The following TBC1D20 variants were observed in gnomAD, a reference collection of about 807,000 sequenced individuals.
TBC1D20 encodes TBC1 domain family member 20, also known as chromosome 20 open reading frame 140.
A neutral mutation model predicts 41.6 loss-of-function variants in TBC1D20; 12 were observed. The ratio of observed to expected loss-of-function variants is 0.29; its 90% CI spans 0.18 to 0.47. The LOEUF (loss-of-function observed/expected upper bound fraction) is 0.47. TBC1D20 is among the 20% of genes least tolerant of loss of function. The probability of loss-of-function intolerance (pLI) is 1.00; values close to 1 mark genes in which losing one functional copy is unlikely to be tolerated. For missense variants in TBC1D20, 421 were observed against 517.4 expected, an observed-to-expected ratio of 0.81 and a Z score of 1.81; for synonymous variants, 205 against 204.8, an observed-to-expected ratio of 1.00 and a Z score of -0.01.
rs1238691816 is a variant in TBC1D20 at position 440,397 on chromosome 20, C to A, written c.627-8G>T. On this transcript the variant is annotated splice_region_variant and splice_polypyrimidine_tract_variant and intron_variant, in intron 5 of 7. Coordinates refer to ENST00000354200, the MANE Select transcript of TBC1D20 (RefSeq NM_144628.4). ...ATGGTCCCTACCTCAGCACTAGAAACAAAGGAAAGGCAGGTGTCAGGTCCT... is the reference window on the plus strand; with the variant it reads ...ATGGTCCCTACCTCAGCACTAGAAAAAAAGGAAAGGCAGGTGTCAGGTCCT... The A allele has an allele frequency of 6.2e-7, 1 of 1,613,842 alleles. No homozygotes were observed. Among genetic ancestry groups the A allele is most frequent in the African/African-American group, 1.3e-5 (1 of 74,914 alleles).
At chr20:448,680 C>A in intron 1 of TBC1D20, among the ~76,000 whole-genome samples, 1 of 144,238 alleles carries the variant, frequency 6.9e-6, no homozygotes. Flanking sequence ...CAGAGCGAGA[C>A]TCCGTCTTGA....
chr20:458,564 C>T (rs1394327679), intron 1 of TBC1D20, among the ~76,000 whole-genome samples: 1 of 152,084 alleles, frequency 6.6e-6, no homozygotes, highest in African/African-American at 2.4e-5. Context: ...CCACCCACCT[C>T]GACCTCCCAA....
At chr20:447,867 C>A (rs763980573) in intron 2 of TBC1D20, 22 bp downstream of exon 2, 2 of 1,580,772 alleles carry the variant, frequency 1.3e-6, no homozygotes, top group South Asian at 2.2e-5. Context: ...GCTCCCCTCA[C>A]AGCCTCCCCC....
At chr20:445,668 C>T (rs1194219681) in intron 2 of TBC1D20, among the ~76,000 whole-genome samples, 21 of 152,208 alleles carry the variant, frequency 1.4e-4, no homozygotes, top group Admixed American at 1.4e-3. Context: ...AGGAGACAGT[C>T]CTTGTGTTCA....
chr20:440,674 G>A, intron 5 of TBC1D20: 1 of 328,062 alleles, frequency 3.0e-6, no homozygotes, highest in Non-Finnish European at 5.6e-6. Context: ...TGTTTTCAGA[G>A]AACTACGCCA....
At position 440,406 on chromosome 20, in the gene TBC1D20, G is replaced by C; in HGVS notation, c.627-17C>G. ...ACCTCAGCACTAGAAACAAAGGAAA[G>C]GCAGGTGTCAGGTCCTGTGGGCCAT... On this transcript the variant is annotated splice_polypyrimidine_tract_variant and intron_variant, in intron 5 of 7. Coordinates refer to ENST00000354200, the MANE Select transcript of TBC1D20 (RefSeq NM_144628.4). 6.2e-7 allele frequency: 1 copy of C among 1,613,928 alleles called. No homozygotes were observed. Among genetic ancestry groups the C allele is most frequent in the Non-Finnish European group, 8.5e-7 (1 of 1,179,852 alleles).
intron 1 of TBC1D20, among the ~76,000 whole-genome samples, chr20:449,193 G>A (rs1375100397): frequency 4.3e-5 from 4 of 92,762 alleles, no homozygotes; most frequent in East Asian, 3.1e-4. Context: ...TTGCTCTGTC[G>A]CCAGGCTGGA....
rs377113461 is a variant in TBC1D20 at position 441,659 on chromosome 20, G to A, written c.555C>T (p.Thr185=). Residue 185 remains threonine (T), a synonymous_variant, in exon 5 of 8, where the codon ACC becomes ACT. Transcript: ENST00000354200. ...GCATCAGATAGTTTAATATATGCTT[G>A]GTGTTGTCCATTGTTGGATCCATAA... ...RDFMDPTMDN[T]KHILNYLMPI... 1 of 1,614,004 alleles carries A rather than the reference G, an allele frequency of 6.2e-7. No individual in the cohort carries two copies. The highest frequency in any genetic ancestry group is 8.5e-7 in the Non-Finnish European group (1 of 1,180,026).
intron 3 of TBC1D20, among the ~76,000 whole-genome samples, chr20:443,300 A>G (rs2017273103): frequency 6.6e-6 from 1 of 152,188 alleles, no homozygotes; most frequent in Non-Finnish European, 1.5e-5. Flanking sequence ...TGATCCAAAG[A>G]TGTATTATAG....
intron 5 of TBC1D20, 171 bp downstream of exon 5, chr20:441,417 G>C (rs1357518144): frequency 2.4e-5 from 15 of 614,854 alleles, no homozygotes; most frequent in Non-Finnish European, 4.3e-5. Flanking sequence ...CCCCAAAAAT[G>C]CTCCAAGAAC....
chr20:448,318 AAG>A lies in TBC1D20; in HGVS notation c.71-246_71-245del, dbSNP rs2017376075. ...AGATTTTAAATCACCGATTTTTAAA[AAG>A]ATAGTCTCTTTTTATAGGTCTGAAC... On this transcript the variant is annotated intron_variant, in intron 1 of 7. Transcript: ENST00000354200. Among the ~76,000 whole-genome samples the A allele has an allele frequency of 3.9e-5, 6 of 152,334 alleles. 1 individual carries two copies. The highest frequency in any genetic ancestry group is 1.4e-4 in the African/African-American group (6 of 41,576).
At position 461,600 on chromosome 20, in the gene TBC1D20, G is replaced by A. The variant is rs115941811; in HGVS notation, c.70+736C>T. On this transcript the variant is annotated intron_variant, in intron 1 of 7. Coordinates refer to ENST00000354200, the MANE Select transcript of TBC1D20 (RefSeq NM_144628.4). ...TGATCTCGAAATCCTGGCCTCAATC[G>A]ATCCTCCAACCATGGCCTCCCAAAG... is the stretch of plus-strand genomic sequence containing the variant. Among the ~76,000 whole-genome samples the A allele has an allele frequency of 3.6e-3, 545 of 152,256 alleles. 2 individuals are homozygous for A. Among genetic ancestry groups the A allele is most frequent in the African/African-American group, 0.012 (508 of 41,548 alleles).
At chr20:451,692 T>C (rs752278102) in intron 1 of TBC1D20, among the ~76,000 whole-genome samples, 1 of 152,218 alleles carries the variant, frequency 6.6e-6, no homozygotes, top group African/African-American at 2.4e-5. Flanking sequence ...CTTCTTCCTT[T>C]TCCTGCAAAG....
intron 1 of TBC1D20, among the ~76,000 whole-genome samples, chr20:450,051 G>GC (rs1229087930): frequency 6.6e-6 from 1 of 152,040 alleles, no homozygotes; most frequent in Non-Finnish European, 1.5e-5. Flanking sequence ...TAGGAAAAAT[G>GC]CATGTCACCA....
intron 2 of TBC1D20, 105 bp downstream of exon 2, chr20:447,784 C>A (rs1434058087): frequency 2.1e-6 from 2 of 964,586 alleles, no homozygotes; most frequent in Admixed American, 2.9e-5. Context: ...TAGATTTATT[C>A]ATATACCCTT....
In TBC1D20 at chr20:445,099, G is replaced by A. The variant is rs751361963; in HGVS notation, c.288C>T (p.Tyr96=). 16 of 1,604,346 alleles carry A rather than the reference G, an allele frequency of 1.0e-5. No homozygotes were observed. In the African/African-American group the frequency reaches 1.5e-4, roughly 15 times the overall value. ...GCCGGACGTCCAGCAACACTTGTTG[G>A]TAGTCCTTGCTCATCTGCCGTAGGT... ...GKNLRQMSKD[Y]QQVLLDVRRS... The change falls in exon 3 of 8, where the codon TAC becomes TAT. Residue 96 remains tyrosine (Y), a synonymous_variant. Transcript: ENST00000354200.
At chr20:447,123 ATT>A (rs752849594) in intron 2 of TBC1D20, among the ~76,000 whole-genome samples, 26 of 107,238 alleles carry the variant, frequency 2.4e-4, no homozygotes, top group Admixed American at 7.1e-4. Context: ...TAATGTTCGT[ATT>A]TTTTTTTTTT....
chr20:442,956 T>C (rs779101274), intron 3 of TBC1D20, among the ~76,000 whole-genome samples: 1 of 151,992 alleles, frequency 6.6e-6, no homozygotes, highest in Admixed American at 6.6e-5. Context: ...AAAAATTAGC[T>C]GGGCGTGGTG....
Position 447,991 on chromosome 20 carries a change from G to A in TBC1D20, c.154C>T (p.Arg52Cys), listed in dbSNP as rs1010462531. Residue 52 changes from arginine to cysteine, a missense_variant, in exon 2 of 8, where the codon CGC (arginine) becomes TGC (cysteine). Physicochemically the swap from Arg to Cys is radical, Grantham distance 180 (BLOSUM62 -3). Around this residue, in one of 3 missense-constraint regions of TBC1D20, gnomAD observed 150 missense variants for 151.3 expected, o/e 0.99. Coordinates refer to ENST00000354200, the MANE Select transcript of TBC1D20 (RefSeq NM_144628.4). ...SDPTDVAALR[R>C]MAISEGGLLT... Reference sequence around the variant, plus strand: ...AGCCCTCCTTCACTGATAGCCATGCGTCTAAGGGCAGCCACATCAGTGGGA... The same window carrying A: ...AGCCCTCCTTCACTGATAGCCATGCATCTAAGGGCAGCCACATCAGTGGGA... 3.1e-6 allele frequency: 5 copies of A among 1,613,972 alleles called. No homozygotes were observed. Among genetic ancestry groups the A allele is most frequent in the East Asian group, 4.5e-5 (2 of 44,894 alleles).
Sources: allele counts gnomAD v4.1 joint callset (sites outside exome capture counted in the v4.1 genomes callset), GRCh38; gene constraint gnomAD v4.1.1; regional missense constraint gnomAD v4.1.1; transcripts MANE v1.5; gene names NCBI Gene and HGNC (gene_info 2026-07-23, HGNC 2026-07-21).